The following RAB25 variants were observed in gnomAD, a reference collection of about 807,000 sequenced individuals.
RAB25 encodes RAB25, member RAS oncogene family.
In RAB25, 23 loss-of-function variants were observed where a neutral mutation model predicts 25.2. That is an observed-to-expected ratio of 0.91 (90% CI 0.66 to 1.29). The LOEUF (loss-of-function observed/expected upper bound fraction) is 1.29, where lower values mean the gene tolerates loss of function less well. Among genes scored for constraint, RAB25 ranks in the 50% most tolerant of loss-of-function variants. The pLI, the probability that RAB25 is intolerant of heterozygous loss-of-function variation, is 0.00. For synonymous variants in RAB25, 102 were observed against 111.5 expected, an observed-to-expected ratio of 0.91 and a Z score of 0.54; for missense variants, 244 against 277.3, an observed-to-expected ratio of 0.88 and a Z score of 0.85.
intron 1 of RAB25, among the ~76,000 whole-genome samples, chr1:156,065,150 C>G (rs955323283): frequency 1.3e-5 from 2 of 152,212 alleles, no homozygotes; most frequent in Non-Finnish European, 2.9e-5. Flanking sequence ...TTACTATATC[C>G]TGGGCAATGT....
At chr1:156,061,591 G>C in intron 1 of RAB25, 148 bp downstream of exon 1, 8 of 835,428 alleles carry the variant, frequency 9.6e-6, no homozygotes, top group Non-Finnish European at 1.3e-5. Context: ...TGCAGGGAGT[G>C]GGGGAGGGTC....
rs1647572576 is a variant in RAB25, at chr1:156,061,315, G to C, written c.-86G>C. 7.3e-7 allele frequency: 1 copy of C among 1,375,418 alleles called. No homozygotes were observed. The highest frequency in any genetic ancestry group is 1.0e-6 in the Non-Finnish European group (1 of 965,274). 85.2% of individuals were successfully genotyped at this position (1,375,418 alleles called of 1,614,324 possible). ...GGAGGGGCAGGACCAGATCTTTTGA[G>C]AGCTGAGGGTTGAGGGCATTGAGCC... On this transcript the variant is annotated 5_prime_UTR_variant, in exon 1 of 5. Transcript: ENST00000361084.
At chr1:156,068,592 TC>T in intron 3 of RAB25, 129 bp downstream of exon 3, 1 of 747,950 alleles carries the variant, frequency 1.3e-6, no homozygotes, top group South Asian at 2.2e-5. Context: ...CTCTACCCCA[TC>T]CCCTCTTCCT....
intron 1 of RAB25, 98 bp downstream of exon 1, chr1:156,061,541 C>A: frequency 2.4e-6 from 3 of 1,271,482 alleles, no homozygotes; most frequent in Non-Finnish European, 3.4e-6. Flanking sequence ...TATCTCTTAC[C>A]AAGACCTCCT....
At chr1:156,067,465 A>G (rs1647775912) in intron 2 of RAB25, among the ~76,000 whole-genome samples, 2 of 152,044 alleles carry the variant, frequency 1.3e-5, no homozygotes, top group South Asian at 4.1e-4. Context: ...ATCCCATCCA[A>G]CTCCAAGAGG....
At position 156,065,904 on chromosome 1, in the gene RAB25, CCTT is replaced by C. The variant is rs754825897; in HGVS notation, c.44-5_44-3del. 2 of 1,584,916 alleles carry C rather than the reference CCTT, an allele frequency of 1.3e-6. No individual in the cohort carries two copies. The highest frequency in any genetic ancestry group is 1.3e-5 in the African/African-American group (1 of 74,550). ...CATGCTCAGCCCTTATCTCTCCACT[CCTT>C]CAGTGGTGCTGATCGGCGAATCAGG... On this transcript the variant is annotated splice_polypyrimidine_tract_variant and splice_region_variant and intron_variant, in intron 1 of 4. Coordinates refer to ENST00000361084, the MANE Select transcript of RAB25 (RefSeq NM_020387.4).
chr1:156,064,137 C>T (rs1021812132), intron 1 of RAB25, among the ~76,000 whole-genome samples: 37 of 149,964 alleles, frequency 2.5e-4, no homozygotes, highest in Non-Finnish European at 2.4e-4. Flanking sequence ...CACACATATA[C>T]ACACACACAC....
chr1:156,061,211 G>A lies in RAB25; in HGVS notation c.-190G>A. 1 of 600,696 alleles carries A rather than the reference G, an allele frequency of 1.7e-6. No homozygotes were observed. The highest frequency in any genetic ancestry group is 2.1e-5 in the South Asian group (1 of 48,144). The allele number at this position is 600,696 out of a possible 1,614,324, so 37.2% of individuals were successfully genotyped here. On this transcript the variant is annotated 5_prime_UTR_variant, in exon 1 of 5. Transcript: ENST00000361084. Reference sequence around the variant, plus strand: ...TACAGCACCCCCACCTGCCAGAGCTGATCCTCCCTAGGCCCTGCCTAACCT... The same window carrying A: ...TACAGCACCCCCACCTGCCAGAGCTAATCCTCCCTAGGCCCTGCCTAACCT...
rs531800670 is a variant in RAB25, at chr1:156,063,906, G to A, written c.44-2005G>A. Among the ~76,000 whole-genome samples, 148 of 152,348 alleles carry A rather than the reference G, an allele frequency of 9.7e-4. 1 individual carries two copies. Among genetic ancestry groups the A allele is most frequent in the Non-Finnish European group, 1.9e-3 (130 of 68,034 alleles). ...TATGTGTAAAGCTTTTAACGACACT[G>A]CCTGGCACATAGTAAGCATTCAGTA... On this transcript the variant is annotated intron_variant, in intron 1 of 4. Transcript: ENST00000361084.
intron 1 of RAB25, among the ~76,000 whole-genome samples, chr1:156,061,845 T>C (rs1222504632): frequency 6.6e-6 from 1 of 151,992 alleles, no homozygotes; most frequent in Non-Finnish European, 1.5e-5. Flanking sequence ...AGTGCAGTGG[T>C]ACAATCTCAG....
Position 156,070,144 on chromosome 1 carries a change from C to T in RAB25, c.515-16C>T. The T allele has an allele frequency of 6.2e-7, 1 of 1,614,056 alleles. No homozygotes were observed. The highest frequency in any genetic ancestry group is 8.5e-7 in the Non-Finnish European group (1 of 1,179,982). ...TCTAAATCTTCTGGCCTGATCACTG[C>T]CCTCTGCCCTCCCAGAAATCTTTGC... On this transcript the variant is annotated splice_polypyrimidine_tract_variant and intron_variant, in intron 4 of 4. Coordinates refer to ENST00000361084, the MANE Select transcript of RAB25 (RefSeq NM_020387.4).
At position 156,069,761 on chromosome 1, in the gene RAB25, T is replaced by C; in HGVS notation, c.514+10T>C. Reference sequence around the variant, plus strand: ...GAGACTGTCCTGAAAGGTTAGAGCCTACCTTTATTCTGCACCCCTATTCCA... The same window carrying C: ...GAGACTGTCCTGAAAGGTTAGAGCCCACCTTTATTCTGCACCCCTATTCCA... On this transcript the variant is annotated intron_variant, in intron 4 of 4. Transcript: ENST00000361084. 2 of 1,598,710 alleles carry C rather than the reference T, an allele frequency of 1.3e-6. No homozygotes were observed. The highest frequency in any genetic ancestry group is 1.7e-6 in the Non-Finnish European group (2 of 1,165,996).
chr1:156,070,056 C>A (rs1647861558), intron 4 of RAB25, 104 bp from the exon 5 acceptor site: 1 of 1,561,748 alleles, frequency 6.4e-7, no homozygotes, highest in Non-Finnish European at 8.8e-7. Context: ...AGTGTGGCCA[C>A]CCCCCATGCT....
At chr1:156,065,811 TGAGCTCAG>T in intron 1 of RAB25, 92 bp from the exon 2 acceptor site, 2 of 969,136 alleles carry the variant, frequency 2.1e-6, no homozygotes, top group Admixed American at 2.7e-5. Context: ...ATCTTTTTTC[TGAGCTCAG>T]TTCCCTTTTT....
chr1:156,065,706 T>G (rs2102770036), intron 1 of RAB25, among the ~76,000 whole-genome samples: 1 of 152,288 alleles, frequency 6.6e-6, no homozygotes, highest in South Asian at 2.1e-4. Flanking sequence ...GTCAAGCCCC[T>G]TTGTTTGTTT....
rs1572295005 is a variant in RAB25, at chr1:156,069,699, C to G, written c.462C>G (p.Thr154=). 1.2e-6 allele frequency: 2 copies of G among 1,613,396 alleles called. No individual in the cohort carries two copies. Among genetic ancestry groups the G allele is most frequent in the Non-Finnish European group, 1.7e-6 (2 of 1,179,372 alleles). Residue 154 remains threonine (T), a synonymous_variant, in exon 4 of 5, where the codon ACC becomes ACG. Coordinates refer to ENST00000361084, the MANE Select transcript of RAB25 (RefSeq NM_020387.4). ...AENNGLLFLE[T]SALDSTNVEL... Reference sequence around the variant, plus strand: ...ACAATGGACTGCTCTTCCTGGAGACCTCAGCCCTGGACTCTACCAATGTTG... The same window carrying G: ...ACAATGGACTGCTCTTCCTGGAGACGTCAGCCCTGGACTCTACCAATGTTG...
At chr1:156,061,472 A>C in intron 1 of RAB25, 29 bp downstream of exon 1, 1 of 1,609,446 alleles carries the variant, frequency 6.2e-7, no homozygotes, top group South Asian at 1.1e-5. Flanking sequence ...AGCAAGAGGA[A>C]GCCTGAGAGA....
chr1:156,065,704 C>T (rs143404903), intron 1 of RAB25, among the ~76,000 whole-genome samples: 118 of 152,302 alleles, frequency 7.7e-4, no homozygotes, highest in African/African-American at 2.7e-3. Context: ...CCGTCAAGCC[C>T]CTTTGTTTGT....
At chr1:156,065,137 C>T (rs1647702621) in intron 1 of RAB25, among the ~76,000 whole-genome samples, 1 of 152,192 alleles carries the variant, frequency 6.6e-6, no homozygotes, top group African/African-American at 2.4e-5. Context: ...ATGATTTTTA[C>T]ACTTACTATA....
Sources: allele counts gnomAD v4.1 joint callset (sites outside exome capture counted in the v4.1 genomes callset), GRCh38; gene constraint gnomAD v4.1.1; transcripts MANE v1.5; gene names NCBI Gene and HGNC (gene_info 2026-07-23, HGNC 2026-07-21).